The following CLUAP1 variants were observed in gnomAD, a reference collection of about 807,000 sequenced individuals.
CLUAP1 encodes the protein intraflagellar transport 38.
A neutral mutation model predicts 55.0 loss-of-function variants in CLUAP1; 50 were observed. The observed-to-expected ratio is 0.91, with a 90% confidence interval of 0.72 to 1.15. The LOEUF is 1.15. Among genes scored for constraint, CLUAP1 ranks in the 50% most tolerant of loss-of-function variants. The pLI, the probability that CLUAP1 is intolerant of heterozygous loss-of-function variation, is 0.00. For missense variants in CLUAP1, 530 were observed against 507.6 expected (o/e 1.04, Z -0.42); for synonymous variants, 195 against 175.4 (o/e 1.11, Z -0.88).
At chr16:3,527,240 T>G (rs968159858) in intron 9 of CLUAP1, among the ~76,000 whole-genome samples, 1 of 152,154 alleles carries the variant, frequency 6.6e-6, no homozygotes, top group African/African-American at 2.4e-5. Flanking sequence ...TGAATATCAT[T>G]AATCATTAGT....
intron 5 of CLUAP1, among the ~76,000 whole-genome samples, chr16:3,513,764 G>C (rs762473507): frequency 2.0e-5 from 3 of 152,142 alleles, no homozygotes; most frequent in Non-Finnish European, 4.4e-5. Flanking sequence ...GTGGAGTAGT[G>C]TTTAATCCTT....
At chr16:3,498,736 T>C (rs2037337716), upstream of CLUAP1, among the ~76,000 whole-genome samples, 1 of 152,026 alleles carries the variant, frequency 6.6e-6, no homozygotes, top group Admixed American at 6.6e-5. Context: ...GGTGGGCGCC[T>C]GTAGTCCCAG....
chr16:3,496,947 T>G (rs1379269237), upstream of CLUAP1, among the ~76,000 whole-genome samples: 2 of 151,684 alleles, frequency 1.3e-5, no homozygotes, highest in East Asian at 3.9e-4. Flanking sequence ...CTCGGTTCAC[T>G]GCAACCTCCG....
At chr16:3,506,731 G>T (rs992521921) in intron 3 of CLUAP1, among the ~76,000 whole-genome samples, 1 of 151,902 alleles carries the variant, frequency 6.6e-6, no homozygotes, top group Non-Finnish European at 1.5e-5. Context: ...TCAAACTCCC[G>T]ACCTCAAGTA....
intron 7 of CLUAP1, among the ~76,000 whole-genome samples, chr16:3,520,856 C>T (rs1231526747): frequency 2.0e-5 from 3 of 152,170 alleles, no homozygotes; most frequent in Non-Finnish European, 4.4e-5. Flanking sequence ...GGCTCTCTCT[C>T]TCTTCTCTTC....
At chr16:3,530,749 G>A in intron 10 of CLUAP1, 74 bp downstream of exon 10, 3 of 1,210,844 alleles carry the variant, frequency 2.5e-6, no homozygotes, top group South Asian at 1.3e-5. Context: ...ACTGGGGCAG[G>A]CTGCTTAGTA....
chr16:3,534,997 G>A (rs989406769), intron 11 of CLUAP1: 3 of 152,348 alleles, frequency 2.0e-5, no homozygotes, highest in African/African-American at 4.8e-5. Flanking sequence ...GAAGAGAGGC[G>A]ACCCAAGGTC....
At chr16:3,504,148 G>A (rs554558547) in intron 1 of CLUAP1, among the ~76,000 whole-genome samples, 34 of 152,086 alleles carry the variant, frequency 2.2e-4, no homozygotes, top group African/African-American at 8.2e-4. Flanking sequence ...TCTAAATATG[G>A]TTGTATAGTT....
In CLUAP1 at chr16:3,501,086, C is replaced by A; in HGVS notation, c.19C>A (p.Arg7Ser). Residue 7 changes from arginine to serine, a missense_variant, in exon 1 of 12, where the codon CGC becomes AGC. Physicochemically the swap from Arg to Ser is moderately radical, Grantham distance 110. Coordinates refer to ENST00000576634, the MANE Select transcript of CLUAP1 (RefSeq NM_015041.3). MSFRDL[R>S]NFTEMMRALG... is the part of the protein sequence containing the mutation. The stretch of plus-strand genomic sequence containing the variant: ...GAGCGTTATGTCTTTCCGCGACCTC[C>A]GCAGTAAGGCAGCCCCGCGCCCCTG... 6.3e-7 allele frequency: 1 copy of A among 1,596,118 alleles called. No homozygotes were observed. The highest frequency in any genetic ancestry group is 8.5e-7 in the Non-Finnish European group (1 of 1,175,974).
intron 7 of CLUAP1, among the ~76,000 whole-genome samples, chr16:3,522,045 T>G (rs1177050582): frequency 1.3e-5 from 2 of 152,078 alleles, no homozygotes; most frequent in Non-Finnish European, 2.9e-5. Context: ...GGTGACAAAG[T>G]GAGACCCTGT....
Position 3,509,994 on chromosome 16 carries a change from T to G in CLUAP1, c.399+1526T>G, listed in dbSNP as rs554214620. The G allele has an allele frequency of 1.3e-4, 19 of 141,026 alleles. No homozygotes were observed. In the East Asian group the frequency reaches 4.0e-3, roughly 29 times the overall value. The allele number at this position is 141,026 out of a possible 1,614,324, so 8.7% of individuals were successfully genotyped here. ...GGTACACACCACCATGCCCAGCTAA[T>G]TTTTTTTTTTTTTTTTTGAGATGGA... On this transcript the variant is annotated intron_variant, in intron 4 of 11. Transcript: ENST00000576634.
At chr16:3,511,020 A>T (rs2037615167) in intron 4 of CLUAP1, among the ~76,000 whole-genome samples, 1 of 152,336 alleles carries the variant, frequency 6.6e-6, no homozygotes, top group South Asian at 2.1e-4. Context: ...GGGTCCAGGA[A>T]TGAAACTCTG....
intron 1 of CLUAP1, among the ~76,000 whole-genome samples, chr16:3,501,548 C>T (rs998123566): frequency 1.3e-5 from 2 of 152,100 alleles, no homozygotes; most frequent in African/African-American, 4.8e-5. Context: ...TTTGGGAGGC[C>T]GAGGCGGGCG....
At chr16:3,504,624 G>A (rs1567421504) in intron 1 of CLUAP1, 96 bp from the exon 2 acceptor site, 3 of 759,718 alleles carry the variant, frequency 3.9e-6, no homozygotes, top group South Asian at 3.0e-5. Flanking sequence ...CTGTCAATAG[G>A]TTGGAAATAA....
At chr16:3,510,967 T>C (rs1245646076) in intron 4 of CLUAP1, among the ~76,000 whole-genome samples, 1 of 152,126 alleles carries the variant, frequency 6.6e-6, no homozygotes, top group Non-Finnish European at 1.5e-5. Context: ...ACAGATGGTA[T>C]TAAAGCCTTG....
intron 1 of CLUAP1, among the ~76,000 whole-genome samples, chr16:3,502,780 T>G (rs1331703884): frequency 2.6e-5 from 4 of 152,168 alleles, no homozygotes; most frequent in Non-Finnish European, 5.9e-5. Flanking sequence ...AATGGGGTTT[T>G]GTTGGGGAGC....
intron 6 of CLUAP1, among the ~76,000 whole-genome samples, chr16:3,517,437 G>C: frequency 6.6e-6 from 1 of 151,936 alleles, no homozygotes; most frequent in Non-Finnish European, 1.5e-5. Context: ...CTCCCAAATA[G>C]CTGGAAGTAC....
chr16:3,513,692 C>T (rs891508728), intron 5 of CLUAP1, among the ~76,000 whole-genome samples: 1 of 152,050 alleles, frequency 6.6e-6, no homozygotes, highest in Admixed American at 6.5e-5. Context: ...TCAAGTGATT[C>T]GCCTTCCTCG....
intron 11 of CLUAP1, chr16:3,533,279 T>A: frequency 1.3e-6 from 1 of 758,320 alleles, no homozygotes; most frequent in Non-Finnish European, 2.2e-6. Context: ...TCAAAAGAGA[T>A]CCTGTGGTGA....
Sources: allele counts gnomAD v4.1 joint callset (sites outside exome capture counted in the v4.1 genomes callset), GRCh38; gene constraint gnomAD v4.1.1; transcripts MANE v1.5; gene names NCBI Gene and HGNC (gene_info 2026-07-23, HGNC 2026-07-21).